GJB7: variants seen among roughly 807,000 people sequenced by gnomAD.
GJB7 encodes gap junction beta-7 protein.
For synonymous variants in GJB7, 87 were observed against 95.2 expected, an observed-to-expected ratio of 0.91 and a Z score of 0.50; for missense variants, 253 against 256.8, an observed-to-expected ratio of 0.99 and a Z score of 0.10.
At chr6:87,313,856 C>T (rs938247191) in intron 2 of GJB7, among the ~76,000 whole-genome samples, 8 of 152,184 alleles carry the variant, frequency 5.3e-5, no homozygotes, top group Middle Eastern at 3.2e-3. Context: ...ACTACAGAAT[C>T]AGAGGCTCTG....
At chr6:87,290,528 A>T (rs537856260) in intron 2 of GJB7, among the ~76,000 whole-genome samples, 1 of 152,248 alleles carries the variant, frequency 6.6e-6, no homozygotes, top group South Asian at 2.1e-4. Context: ...TTGTTGTTAT[A>T]TTCTTAAGTG....
chr6:87,319,749 CA>C (rs1209953160), intron 2 of GJB7, among the ~76,000 whole-genome samples: 3 of 152,154 alleles, frequency 2.0e-5, no homozygotes, highest in Non-Finnish European at 4.4e-5. Context: ...GCACTATTCA[CA>C]ATAACCCAAT....
At chr6:87,315,795 C>CA (rs1161194601) in intron 2 of GJB7, among the ~76,000 whole-genome samples, 6,525 of 71,744 alleles carry the variant, frequency 0.091, 523 homozygotes, top group African/African-American at 0.21. Flanking sequence ...GACTCTATCT[C>CA]AAAAAAAAAA....
At chr6:87,311,217 G>C (rs1460538682) in intron 2 of GJB7, among the ~76,000 whole-genome samples, 1 of 152,148 alleles carries the variant, frequency 6.6e-6, no homozygotes, top group Non-Finnish European at 1.5e-5. Context: ...GTATAAATTG[G>C]TGCAATCACT....
At chr6:87,295,432 G>C (rs1776235792) in intron 2 of GJB7, among the ~76,000 whole-genome samples, 1 of 152,160 alleles carries the variant, frequency 6.6e-6, no homozygotes, top group African/African-American at 2.4e-5. Flanking sequence ...GAGGTTTCCT[G>C]TTCAGGGAAG....
chr6:87,305,720 T>A (rs1095673), intron 2 of GJB7, among the ~76,000 whole-genome samples: 92,534 of 151,974 alleles, frequency 0.61, 28,494 homozygotes, highest in African/African-American at 0.65. Flanking sequence ...CATTGCCAAG[T>A]CAATCCTAAG....
At chr6:87,299,826 A>C (rs1776295151) in intron 2 of GJB7, 1 of 185,576 alleles carries the variant, frequency 5.4e-6, no homozygotes, top group Admixed American at 6.2e-5. Context: ...TGCTTTTAAA[A>C]GGAAAATGTT....
At chr6:87,315,964 T>G (rs1414204035) in intron 2 of GJB7, among the ~76,000 whole-genome samples, 1 of 152,160 alleles carries the variant, frequency 6.6e-6, no homozygotes, top group Non-Finnish European at 1.5e-5. Context: ...CTTGAGTTAG[T>G]TTCAGTCAAG....
intron 2 of GJB7, among the ~76,000 whole-genome samples, chr6:87,301,539 A>G (rs1776327071): frequency 6.6e-6 from 1 of 152,178 alleles, no homozygotes; most frequent in African/African-American, 2.4e-5. Context: ...GGGAAGCTCT[A>G]TCTGGGTGGA....
intron 2 of GJB7, among the ~76,000 whole-genome samples, chr6:87,318,813 T>C (rs1252076598): frequency 1.3e-5 from 2 of 152,222 alleles, no homozygotes; most frequent in African/African-American, 2.4e-5. Context: ...TTGGCTCACA[T>C]TGATCATATC....
chr6:87,300,368 C>T (rs1776302792), intron 2 of GJB7: 1 of 223,252 alleles, frequency 4.5e-6, no homozygotes, highest in South Asian at 8.2e-5. Flanking sequence ...TTAACTAAAT[C>T]ATAAGCTGTA....
At chr6:87,309,179 G>C (rs1776479803) in intron 2 of GJB7, among the ~76,000 whole-genome samples, 1 of 152,176 alleles carries the variant, frequency 6.6e-6, no homozygotes, top group African/African-American at 2.4e-5. Context: ...TGAAGCAGCA[G>C]CTGGGCCTGC....
At chr6:87,306,962 G>A (rs1776437976) in intron 2 of GJB7, among the ~76,000 whole-genome samples, 1 of 152,064 alleles carries the variant, frequency 6.6e-6, no homozygotes, top group Admixed American at 6.6e-5. Context: ...CTCATAGGTG[G>A]GAATTGAACA....
At chr6:87,314,846 A>G (rs1488325425) in intron 2 of GJB7, among the ~76,000 whole-genome samples, 1 of 152,218 alleles carries the variant, frequency 6.6e-6, no homozygotes, top group Non-Finnish European at 1.5e-5. Flanking sequence ...ATGGAGCTCC[A>G]TGGAACTTTC....
At chr6:87,311,341 C>T (rs1235066362) in intron 2 of GJB7, among the ~76,000 whole-genome samples, 2 of 152,150 alleles carry the variant, frequency 1.3e-5, no homozygotes, top group African/African-American at 2.4e-5. Flanking sequence ...CACAACAGCA[C>T]TATTCATAAT....
chr6:87,325,408 A>G (rs1238687316), intron 1 of GJB7, among the ~76,000 whole-genome samples: 2 of 147,452 alleles, frequency 1.4e-5, no homozygotes, highest in Non-Finnish European at 3.0e-5. Flanking sequence ...TGGGTTTGTC[A>G]TAGATAGCTC....
chr6:87,284,695 TG>T lies in GJB7; in HGVS notation c.217del (p.Gln73LysfsTer9). The T allele has an allele frequency of 6.2e-7, 1 of 1,614,098 alleles. No individual in the cohort carries two copies. The highest frequency in any genetic ancestry group is 8.5e-7 in the Non-Finnish European group (1 of 1,179,998). ...CAGTTGTAAGGCCCAAAGTCTGACTTGGGAAATGGGGAAGAAGTCATCAAAA... is the reference window on the plus strand; with the variant it reads ...CAGTTGTAAGGCCCAAAGTCTGACTTGGAAATGGGGAAGAAGTCATCAAAA... ...VCFDDFFPIS[Q>X]VRLWALQLIM... On this transcript the variant is annotated frameshift_variant, in exon 3 of 3. Coordinates refer to ENST00000525899, the MANE Select transcript of GJB7 (RefSeq NM_198568.3). LOFTEE classifies it low-confidence loss of function (END_TRUNC).
At chr6:87,295,768 C>T (rs1409604425) in intron 2 of GJB7, among the ~76,000 whole-genome samples, 2 of 152,228 alleles carry the variant, frequency 1.3e-5, no homozygotes, top group East Asian at 3.9e-4. Flanking sequence ...AGCCAGATAC[C>T]CTGTCTCCTC....
At chr6:87,327,586 ACTCTCTT>A (rs1776860085) in intron 1 of GJB7, among the ~76,000 whole-genome samples, 1 of 149,798 alleles carries the variant, frequency 6.7e-6, no homozygotes, top group South Asian at 2.1e-4. Flanking sequence ...ATTGGCCCCC[ACTCTCTT>A]CTGGCTTGTA....
Sources: gnomAD v4.1 joint callset for allele counts (sites outside exome capture counted in the v4.1 genomes callset) on GRCh38, gnomAD v4.1.1 for gene constraint, MANE v1.5 for transcripts, NCBI Gene and HGNC (gene_info 2026-07-23, HGNC 2026-07-21) for gene names.